Variants in ITSN1 observed in about 807,000 individuals in gnomAD.
The protein encoded by ITSN1 is intersectin-1.
Under a neutral mutation model 239.8 loss-of-function variants are expected in ITSN1, and 58 were observed. The observed-to-expected ratio is 0.24, with a 90% CI of 0.20 to 0.30. The LOEUF is 0.30. ITSN1 is among the 10% of genes least tolerant of loss of function. ITSN1 has a pLI of 1.00. For missense variants in ITSN1, 1,558 were observed against 2,103.3 expected (o/e 0.74, Z 5.07); for synonymous variants, 780 against 770.8 (o/e 1.01, Z -0.20).
chr21:33,651,642 C>T (rs2088544217), intron 1 of ITSN1, among the ~76,000 whole-genome samples: 1 of 152,150 alleles, frequency 6.6e-6, no homozygotes, highest in Admixed American at 6.5e-5. Context: ...ATATAGGTTT[C>T]TATAGGAGAG....
intron 4 of ITSN1, among the ~76,000 whole-genome samples, chr21:33,730,651 C>T (rs544545493): frequency 4.6e-5 from 7 of 151,926 alleles, no homozygotes; most frequent in South Asian, 2.1e-4. Flanking sequence ...CCACCCTTCT[C>T]GGCCTCCCAA....
intron 1 of ITSN1, among the ~76,000 whole-genome samples, chr21:33,642,987 G>C (rs1465504428): frequency 6.7e-6 from 1 of 149,866 alleles, no homozygotes; most frequent in Non-Finnish European, 1.5e-5. Context: ...GGTGGCGGCC[G>C]CGGGACGGGC....
rs531171019 is a variant in ITSN1 at position 33,857,211 on chromosome 21, C to T, written c.3783+354C>T. Among the ~76,000 whole-genome samples the T allele has an allele frequency of 5.3e-5, 8 of 152,296 alleles. No homozygotes were observed. The East Asian group carries it at 9.7e-4, about 18-fold the overall frequency. On this transcript the variant is annotated intron_variant, in intron 30 of 39. Coordinates refer to ENST00000381318, the MANE Select transcript of ITSN1 (RefSeq NM_003024.3). ...CCAGGAGGTGCCATGGAGCCAGCCA[C>T]GCCGCCCTCCTGGCCCGCAGTGTTG...
chr21:33,648,094 C>T (rs375495314), intron 1 of ITSN1, among the ~76,000 whole-genome samples: 2 of 152,148 alleles, frequency 1.3e-5, no homozygotes, highest in African/African-American at 4.8e-5. Flanking sequence ...TTGTACCTTC[C>T]CCCATTTTAT....
rs1188283621 is a variant in ITSN1 at position 33,690,815 on chromosome 21, G to GTATA, written c.-32-27962_-32-27959dup. On this transcript the variant is annotated intron_variant, in intron 1 of 39. Coordinates refer to ENST00000381318, the MANE Select transcript of ITSN1 (RefSeq NM_003024.3). ...CATATATATATATATATATATATATGTATATATATATATATATATATATGT... is the reference window on the plus strand; with the variant it reads ...CATATATATATATATATATATATATGTATATATATATATATATATATATATATGT... Among the ~76,000 whole-genome samples, 6 of 11,078 alleles carry GTATA rather than the reference G, an allele frequency of 5.4e-4. 1 individual carries two copies. Among genetic ancestry groups the GTATA allele is most frequent in the Middle Eastern group, 0.083 (1 of 12 alleles). The allele number at this position is 11,078 out of a possible 152,430, so 7.3% of individuals were successfully genotyped here.
intron 31 of ITSN1, among the ~76,000 whole-genome samples, chr21:33,861,213 G>C (rs1475848): frequency 0.77 from 117,407 of 152,204 alleles, 46,351 homozygotes; most frequent in East Asian, 0.95. Flanking sequence ...GCTGTATTTG[G>C]GTGGCTGCAT....
chr21:33,710,357 A>G (rs1165501448), intron 1 of ITSN1, among the ~76,000 whole-genome samples: 1 of 151,914 alleles, frequency 6.6e-6, no homozygotes, highest in East Asian at 1.9e-4. Context: ...GGCGTGAGCC[A>G]CCACACCCGG....
At chr21:33,796,997 T>A (rs1020945128) in intron 17 of ITSN1, among the ~76,000 whole-genome samples, 8 of 152,180 alleles carry the variant, frequency 5.3e-5, no homozygotes, top group African/African-American at 1.7e-4. Context: ...TGTGTGTGCA[T>A]GTAAATGTGT....
intron 28 of ITSN1, among the ~76,000 whole-genome samples, chr21:33,835,602 G>C (rs575023132): frequency 1.3e-5 from 2 of 152,252 alleles, no homozygotes; most frequent in African/African-American, 4.8e-5. Context: ...AACATTTTGA[G>C]ATGCAAAGAT....
At chr21:33,874,683 T>C (rs1213482473) in intron 33 of ITSN1, among the ~76,000 whole-genome samples, 1 of 148,720 alleles carries the variant, frequency 6.7e-6, no homozygotes, top group Non-Finnish European at 1.5e-5. Context: ...GGAGCCTCTC[T>C]CCGTTGCTGG....
At chr21:33,878,891 G>A (rs1427387775) in intron 34 of ITSN1, among the ~76,000 whole-genome samples, 1 of 152,210 alleles carries the variant, frequency 6.6e-6, no homozygotes, top group Non-Finnish European at 1.5e-5. Context: ...TATGGTCCAG[G>A]AGGAAGCTGG....
intron 1 of ITSN1, among the ~76,000 whole-genome samples, chr21:33,665,574 T>G (rs912409327): frequency 6.6e-6 from 1 of 152,172 alleles, no homozygotes; most frequent in African/African-American, 2.4e-5. Flanking sequence ...GTAAAATAAT[T>G]TTTCAGCTCC....
chr21:33,859,287 A>G (rs1325973777), intron 31 of ITSN1, among the ~76,000 whole-genome samples: 1 of 152,112 alleles, frequency 6.6e-6, no homozygotes, highest in Non-Finnish European at 1.5e-5. Flanking sequence ...ATTTTCTTCC[A>G]ACTTTAGTTT....
chr21:33,794,526 T>C, intron 17 of ITSN1, 58 bp downstream of exon 17: 2 of 1,554,622 alleles, frequency 1.3e-6, no homozygotes, highest in Non-Finnish European at 8.7e-7. Flanking sequence ...TTTACTATTC[T>C]TTGCTTGGCT....
At chr21:33,680,492 C>T (rs551047509) in intron 1 of ITSN1, among the ~76,000 whole-genome samples, 89 of 152,106 alleles carry the variant, frequency 5.9e-4, no homozygotes, top group African/African-American at 2.0e-3. Context: ...CCACCACACC[C>T]GGCTAATTTT....
At chr21:33,794,493 T>C (rs2148014536) in intron 17 of ITSN1, 25 bp downstream of exon 17, 2 of 1,591,048 alleles carry the variant, frequency 1.3e-6, no homozygotes, top group East Asian at 2.2e-5. Flanking sequence ...GATTGTGGAC[T>C]CATCTGGAAG....
intron 29 of ITSN1, among the ~76,000 whole-genome samples, chr21:33,845,423 C>G (rs565523392): frequency 1.6e-4 from 25 of 152,268 alleles, no homozygotes; most frequent in East Asian, 7.7e-4. Context: ...CAGCTTCCCC[C>G]ACGCTGCAGG....
rs145241485 is a variant in ITSN1 at position 33,806,616 on chromosome 21, C to T, written c.2319+4172C>T. Among the ~76,000 whole-genome samples the T allele has an allele frequency of 1.1e-3, 161 of 152,342 alleles. 1 individual carries two copies. The highest frequency in any genetic ancestry group is 3.8e-3 in the African/African-American group (156 of 41,574). ...ACAATATGCAGTGTGTAATTACTAA[C>T]ATTTAGTAGAGCAGCTCTGTAACAT... On this transcript the variant is annotated intron_variant, in intron 20 of 39. Coordinates refer to ENST00000381318, the MANE Select transcript of ITSN1 (RefSeq NM_003024.3).
intron 6 of ITSN1, among the ~76,000 whole-genome samples, chr21:33,751,453 C>T (rs2067549500): frequency 6.6e-6 from 1 of 152,202 alleles, no homozygotes; most frequent in African/African-American, 2.4e-5. Flanking sequence ...GGAACTAATA[C>T]TTCAGCTCCT....
Sources: gnomAD v4.1 joint callset for allele counts (sites outside exome capture counted in the v4.1 genomes callset) on GRCh38, gnomAD v4.1.1 for gene constraint, MANE v1.5 for transcripts, NCBI Gene and HGNC (gene_info 2026-07-23, HGNC 2026-07-21) for gene names.